The following CCDC102B variants were observed in gnomAD, a reference collection of about 807,000 sequenced individuals.
CCDC102B encodes the protein coiled-coil domain-containing protein 102B.
A neutral mutation model predicts 57.4 loss-of-function variants in CCDC102B; 75 were observed. The observed-to-expected ratio is 1.31, with a 90% CI of 1.08 to 1.58. The LOEUF is 1.58. Among genes scored for constraint, CCDC102B ranks in the 40% most tolerant of loss-of-function variants. CCDC102B has a pLI of 0.00. For synonymous variants in CCDC102B, 206 were observed against 201.9 expected (o/e 1.02, Z -0.17); for missense variants, 636 against 582.6 (o/e 1.09, Z -0.94).
chr18:68,907,738 A>G lies in CCDC102B; in HGVS notation c.1263+10310A>G, dbSNP rs556035822. Reference sequence around the variant, plus strand: ...TGTATAAGATCACGTTATCTTACACATGTTTTACTTTATGCTTTGCAATTT... The same window carrying G: ...TGTATAAGATCACGTTATCTTACACGTGTTTTACTTTATGCTTTGCAATTT... On this transcript the variant is annotated intron_variant, in intron 6 of 7. Transcript: ENST00000360242. 3.2e-3 allele frequency among the ~76,000 whole-genome samples: 484 copies of G among 152,244 alleles called. 1 individual carries two copies. Among genetic ancestry groups the G allele is most frequent in the Non-Finnish European group, 6.1e-3 (412 of 68,004 alleles).
intron 6 of CCDC102B, among the ~76,000 whole-genome samples, chr18:68,980,455 A>G (rs1267933821): frequency 6.6e-6 from 1 of 150,894 alleles, no homozygotes; most frequent in Non-Finnish European, 1.5e-5. Flanking sequence ...AGTTTATATT[A>G]TAGGACATGT....
rs11368924 is a variant in CCDC102B at position 68,991,123 on chromosome 18, C to CTTTT, written c.1264-19799_1264-19796dup. Among the ~76,000 whole-genome samples, 546 of 136,210 alleles carry CTTTT rather than the reference C, an allele frequency of 4.0e-3. 21 individuals are homozygous for CTTTT. Among genetic ancestry groups the CTTTT allele is most frequent in the Middle Eastern group, 8.0e-3 (2 of 250 alleles). 89.4% of individuals were successfully genotyped at this position (136,210 alleles called of 152,430 possible). On this transcript the variant is annotated intron_variant, in intron 6 of 7. Coordinates refer to ENST00000360242, the MANE Select transcript of CCDC102B (RefSeq NM_024781.3). Reference sequence around the variant, plus strand: ...GTTGTCACCTATATTGGCCCTTCTGCTTTTTTTTTTTTTTTCTTAAATAAA... The same window carrying CTTTT: ...GTTGTCACCTATATTGGCCCTTCTGCTTTTTTTTTTTTTTTTTTTCTTAAATAAA...
At chr18:69,041,536 G>A (rs750341314) in intron 7 of CCDC102B, among the ~76,000 whole-genome samples, 3 of 151,900 alleles carry the variant, frequency 2.0e-5, no homozygotes, top group African/African-American at 4.8e-5. Context: ...ATGATTGGCC[G>A]GTTTAATGCC....
chr18:69,022,222 T>TATATAAAAAA (rs1395799223), intron 7 of CCDC102B, among the ~76,000 whole-genome samples: 1 of 95,008 alleles, frequency 1.1e-5, no homozygotes, highest in East Asian at 3.8e-4. Flanking sequence ...TATATATATA[T>TATATAAAAAA]AACACACACA....
At chr18:69,025,828 CA>C (rs2051973349) in intron 7 of CCDC102B, among the ~76,000 whole-genome samples, 1 of 152,108 alleles carries the variant, frequency 6.6e-6, no homozygotes. Flanking sequence ...AATAATTTAT[CA>C]ACAGCAGAAG....
At chr18:68,744,462 G>A (rs972145779) in intron 2 of CCDC102B, among the ~76,000 whole-genome samples, 1 of 152,268 alleles carries the variant, frequency 6.6e-6, no homozygotes, top group South Asian at 2.1e-4. Context: ...ATAACACAGA[G>A]AAAGTGAAGT....
intron 6 of CCDC102B, among the ~76,000 whole-genome samples, chr18:68,957,918 G>A (rs1204543041): frequency 6.6e-6 from 1 of 151,794 alleles, no homozygotes; most frequent in Non-Finnish European, 1.5e-5. Context: ...TTCACTATTG[G>A]CATGTATTTG....
At chr18:68,789,205 A>G (rs925725939) in intron 2 of CCDC102B, among the ~76,000 whole-genome samples, 10 of 152,150 alleles carry the variant, frequency 6.6e-5, no homozygotes, top group African/African-American at 2.4e-4. Flanking sequence ...ATCTGCTGTT[A>G]GTCTGATGGG....
upstream of CCDC102B, among the ~76,000 whole-genome samples, chr18:68,796,069 A>G (rs531143118): frequency 6.6e-6 from 1 of 152,308 alleles, no homozygotes; most frequent in South Asian, 2.1e-4. Context: ...AAAAACCTTC[A>G]TGGACTTCAA....
At chr18:68,987,843 T>C (rs1394977359) in intron 6 of CCDC102B, among the ~76,000 whole-genome samples, 1 of 152,062 alleles carries the variant, frequency 6.6e-6, no homozygotes, top group Non-Finnish European at 1.5e-5. Context: ...AAAACCATGA[T>C]GAGACACCAT....
In CCDC102B at chr18:69,054,471, C is replaced by T. The variant is rs112330554; in HGVS notation, c.*334C>T. ...AAGAAAAAGTAAGTTGAAAACCATACAAGACGCTGGGTCATTAATAAGAAA... is the reference window on the plus strand; with the variant it reads ...AAGAAAAAGTAAGTTGAAAACCATATAAGACGCTGGGTCATTAATAAGAAA... On this transcript the variant is annotated 3_prime_UTR_variant, in exon 8 of 8. Transcript: ENST00000360242. 9.8e-7 allele frequency: 1 copy of T among 1,019,310 alleles called. No homozygotes were observed. Among genetic ancestry groups the T allele is most frequent in the Non-Finnish European group, 1.2e-6 (1 of 852,544 alleles). The allele number at this position is 1,019,310 out of a possible 1,614,324, so 63.1% of individuals were successfully genotyped here. A position where few individuals can be genotyped will look rare whatever the true frequency, so the allele number is the denominator to read the frequency against.
rs530949497 is a variant in CCDC102B, at chr18:68,994,316, T to A, written c.1264-16618T>A. Among the ~76,000 whole-genome samples, 45 of 152,314 alleles carry A rather than the reference T, an allele frequency of 3.0e-4. 1 individual carries two copies. The highest frequency in any genetic ancestry group is 6.0e-4 in the Non-Finnish European group (41 of 68,034). ...AATATTCATTGTATATTTGTAAATA[T>A]TCATTGCATGTTGGTATATTCATTG... On this transcript the variant is annotated intron_variant, in intron 6 of 7. Coordinates refer to ENST00000360242, the MANE Select transcript of CCDC102B (RefSeq NM_024781.3).
chr18:69,047,479 A>G (rs1314291644), intron 7 of CCDC102B, among the ~76,000 whole-genome samples: 4 of 152,188 alleles, frequency 2.6e-5, no homozygotes, highest in Non-Finnish European at 4.4e-5. Context: ...GATAACCAGT[A>G]CAAGATAAAG....
At chr18:68,937,393 G>C (rs775586800) in intron 6 of CCDC102B, among the ~76,000 whole-genome samples, 1 of 152,028 alleles carries the variant, frequency 6.6e-6, no homozygotes, top group East Asian at 1.9e-4. Flanking sequence ...AGCTGGAAAC[G>C]TGGTCATCCA....
chr18:69,045,880 C>T (rs1047224803), intron 7 of CCDC102B, among the ~76,000 whole-genome samples: 2 of 151,982 alleles, frequency 1.3e-5, no homozygotes, highest in Non-Finnish European at 2.9e-5. Flanking sequence ...TTTCTGTGTT[C>T]GTTTGCTTAG....
chr18:69,041,351 G>C (rs536717331), intron 7 of CCDC102B, among the ~76,000 whole-genome samples: 1 of 151,946 alleles, frequency 6.6e-6, no homozygotes, highest in Non-Finnish European at 1.5e-5. Context: ...TAGTTACCCC[G>C]ATAGTGTATC....
intron 1 of CCDC102B, among the ~76,000 whole-genome samples, chr18:68,834,432 C>CATATATATATATAT (rs67872866): frequency 0.027 from 3,669 of 137,378 alleles, 67 homozygotes; most frequent in Non-Finnish European, 0.032. Context: ...TATGTAAATA[C>CATATATATATATAT]ATATATATAT....
chr18:68,882,890 GA>G (rs765144113), intron 5 of CCDC102B, among the ~76,000 whole-genome samples: 2 of 152,164 alleles, frequency 1.3e-5, no homozygotes, highest in African/African-American at 2.4e-5. Flanking sequence ...TAAAGGAACA[GA>G]AAACCAAATA....
chr18:68,997,008 A>G (rs1448853402), intron 6 of CCDC102B, among the ~76,000 whole-genome samples: 3 of 152,220 alleles, frequency 2.0e-5, no homozygotes, highest in East Asian at 1.9e-4. Flanking sequence ...TGTTCTTGTG[A>G]TAGTGAGTTG....
Sources: allele counts gnomAD v4.1 joint callset (sites outside exome capture counted in the v4.1 genomes callset), GRCh38; gene constraint gnomAD v4.1.1; transcripts MANE v1.5; gene names NCBI Gene and HGNC (gene_info 2026-07-23, HGNC 2026-07-21).